Variants in MAD1L1 observed in about 807,000 individuals in gnomAD.
MAD1L1 encodes mitotic arrest deficient 1 like 1.
In MAD1L1, 95 loss-of-function variants were observed where a neutral mutation model predicts 96.9. The observed-to-expected ratio is 0.98, with a 90% CI of 0.83 to 1.16. MAD1L1 has a LOEUF of 1.16. Among genes scored for constraint, MAD1L1 ranks in the 50% most tolerant of loss-of-function variants. The pLI is 0.00. For missense variants in MAD1L1, 1,007 were observed against 954.4 expected (o/e 1.06, Z -0.73); for synonymous variants, 473 against 396.6 (o/e 1.19, Z -2.29).
Position 1,815,919 on chromosome 7 carries a change from C to A in MAD1L1, c.*151G>T, listed in dbSNP as rs1006417308. On this transcript the variant is annotated 3_prime_UTR_variant, in exon 19 of 19. Transcript: ENST00000265854. ...GGGTGCTGGCCGCCCCAGCAGGAAG[C>A]CCGACGTAGGTCCCAGCGTGTCTGT... 48 of 931,960 alleles carry A rather than the reference C, an allele frequency of 5.2e-5. No individual in the cohort carries two copies. Among genetic ancestry groups the A allele is most frequent in the Non-Finnish European group, 6.9e-5 (44 of 641,802 alleles). The allele number at this position is 931,960 out of a possible 1,614,324, so 57.7% of individuals were successfully genotyped here. A position where few individuals can be genotyped will look rare whatever the true frequency, so the allele number is the denominator to read the frequency against.
At chr7:2,030,841 T>C (rs1413606451) in intron 12 of MAD1L1, among the ~76,000 whole-genome samples, 2 of 152,224 alleles carry the variant, frequency 1.3e-5, no homozygotes, top group Admixed American at 6.5e-5. Flanking sequence ...AACCTGCGCC[T>C]GGTGCTCTCG....
Position 2,152,989 on chromosome 7 carries a change from G to A in MAD1L1, c.987-3751C>T, listed in dbSNP as rs559400290. Among the ~76,000 whole-genome samples the A allele has an allele frequency of 4.0e-4, 61 of 152,204 alleles. No individual in the cohort carries two copies. In the South Asian group the frequency reaches 8.3e-3, roughly 21 times the overall value. The stretch of plus-strand genomic sequence containing the variant: ...GTGAAATTTTGTATACCCTTTGTTC[G>A]GCAGTGTCAATCAAAAGAAAATGTG... On this transcript the variant is annotated intron_variant, in intron 10 of 18. Transcript: ENST00000265854.
At chr7:2,156,833 A>AAAAG (rs1015873380) in intron 10 of MAD1L1, among the ~76,000 whole-genome samples, 1 of 151,772 alleles carries the variant, frequency 6.6e-6, no homozygotes, top group African/African-American at 2.4e-5. Flanking sequence ...AAAAAAAAAA[A>AAAAG]AAAGAAAGAA....
At chr7:2,195,662 C>T (rs3779016) in intron 10 of MAD1L1, among the ~76,000 whole-genome samples, 89 of 152,320 alleles carry the variant, frequency 5.8e-4, no homozygotes, top group African/African-American at 2.0e-3. Context: ...CAGCCACCTC[C>T]GCGAACAAGA....
At position 1,950,335 on chromosome 7, in the gene MAD1L1, C is replaced by G. The variant is rs558119783; in HGVS notation, c.1596+7294G>C. ...CCGTCTGTCCGTCCGTCCAGTGGCT[C>G]TGCCGCCCTCCTGCACGTCCCGCGC... On this transcript the variant is annotated intron_variant, in intron 16 of 18. Coordinates refer to ENST00000265854, the MANE Select transcript of MAD1L1 (RefSeq NM_001013836.2). Among the ~76,000 whole-genome samples the G allele has an allele frequency of 1.4e-4, 21 of 151,774 alleles. 1 individual carries two copies. The East Asian group carries it at 3.3e-3, about 24-fold the overall frequency.
At chr7:2,175,569 G>A (rs1412758454) in intron 10 of MAD1L1, among the ~76,000 whole-genome samples, 2 of 150,258 alleles carry the variant, frequency 1.3e-5, no homozygotes, top group Non-Finnish European at 2.9e-5. Context: ...AAAGGTAGGT[G>A]TATGTATTCA....
At chr7:2,015,392 G>A (rs1782491041) in intron 12 of MAD1L1, among the ~76,000 whole-genome samples, 1 of 152,228 alleles carries the variant, frequency 6.6e-6, no homozygotes, top group South Asian at 2.1e-4. Context: ...ACTGACCACA[G>A]TGTCAGGGCT....
rs762502821 is a variant in MAD1L1 at position 1,980,541 on chromosome 7, G to C, written c.1417C>G (p.Leu473Val). The C allele has an allele frequency of 8.7e-6, 14 of 1,609,044 alleles. No individual in the cohort carries two copies. In the South Asian group the frequency reaches 1.5e-4, roughly 18 times the overall value. ...LGGQKQRADM[L>V]EMELKMLKSQ... The stretch of plus-strand genomic sequence containing the variant: ...TTCAGCATCTTCAGCTCCATCTCCA[G>C]CTAGGAGAAAGCAAAGGATAGAGGG... Residue 473 changes from leucine (L) to valine (V), a missense_variant and splice_region_variant, in exon 15 of 19, where the codon CTG (leucine) becomes GTG (valine). By Grantham distance (32) the Leu-to-Val change is conservative. Transcript: ENST00000265854.
chr7:1,922,013 G>A (rs753433597), intron 17 of MAD1L1, among the ~76,000 whole-genome samples: 3 of 152,204 alleles, frequency 2.0e-5, no homozygotes, highest in Admixed American at 2.0e-4. Flanking sequence ...ACCTGAAGAC[G>A]AGGGGTTCAG....
intron 17 of MAD1L1, among the ~76,000 whole-genome samples, chr7:1,899,011 T>C (rs1787075744): frequency 6.6e-6 from 1 of 152,178 alleles, no homozygotes; most frequent in Non-Finnish European, 1.5e-5. Context: ...TTCCGGATCC[T>C]ACTGCCCCGG....
At chr7:2,080,414 G>A (rs1161059259) in intron 11 of MAD1L1, among the ~76,000 whole-genome samples, 1 of 152,212 alleles carries the variant, frequency 6.6e-6, no homozygotes, top group East Asian at 1.9e-4. Context: ...CCGGGCGACT[G>A]CATGTCCCCC....
chr7:2,024,324 C>T (rs775471446), intron 12 of MAD1L1, among the ~76,000 whole-genome samples: 5 of 152,190 alleles, frequency 3.3e-5, no homozygotes, highest in African/African-American at 4.8e-5. Context: ...TCACATGAAT[C>T]GGTCTTTCTA....
intron 12 of MAD1L1, among the ~76,000 whole-genome samples, chr7:2,060,663 G>A (rs1263814692): frequency 6.6e-6 from 1 of 152,226 alleles, no homozygotes; most frequent in Non-Finnish European, 1.5e-5. Flanking sequence ...GCCCTGAAGT[G>A]GACGGCCACG....
At chr7:2,139,282 C>CCT (rs1215358420) in intron 11 of MAD1L1, among the ~76,000 whole-genome samples, 1 of 152,192 alleles carries the variant, frequency 6.6e-6, no homozygotes, top group Non-Finnish European at 1.5e-5. Context: ...ATGGGAGCAC[C>CCT]CTCCCCGCAC....
chr7:1,892,489 G>A (rs866364605), intron 18 of MAD1L1, among the ~76,000 whole-genome samples: 1 of 152,204 alleles, frequency 6.6e-6, no homozygotes, highest in South Asian at 2.1e-4. Context: ...CGTGCTTACT[G>A]GTTGAGTAAG....
chr7:2,046,238 C>T (rs1783914270), intron 12 of MAD1L1, among the ~76,000 whole-genome samples: 1 of 152,180 alleles, frequency 6.6e-6, no homozygotes, highest in African/African-American at 2.4e-5. Context: ...CTCACAGGCA[C>T]CCTATGTCCC....
Position 2,110,809 on chromosome 7 carries a change from C to A in MAD1L1, c.1073+38343G>T, listed in dbSNP as rs577122999. ...GAGCAGGGAATTCCATGGTGCACGC[C>A]CATAAGAAGCGCTTTCTGCATCTCA... On this transcript the variant is annotated intron_variant, in intron 11 of 18. Transcript: ENST00000265854. Among the ~76,000 whole-genome samples the A allele has an allele frequency of 3.6e-3, 555 of 152,288 alleles. 3 individuals are homozygous for A. Among genetic ancestry groups the A allele is most frequent in the Non-Finnish European group, 6.5e-3 (443 of 68,030 alleles).
chr7:2,047,784 C>T lies in MAD1L1; in HGVS notation c.1218+21410G>A, dbSNP rs149969476. Among the ~76,000 whole-genome samples the T allele has an allele frequency of 6.4e-4, 97 of 152,216 alleles. 1 individual carries two copies. The highest frequency in any genetic ancestry group is 2.3e-3 in the African/African-American group (95 of 41,514). ...GCATACAGAGAGCTGCCTCTGCAGA[C>T]ACATGCACACTCACACACGTGCACT... On this transcript the variant is annotated intron_variant, in intron 12 of 18. Coordinates refer to ENST00000265854, the MANE Select transcript of MAD1L1 (RefSeq NM_001013836.2).
At chr7:2,213,856 A>G (rs535216118) in intron 9 of MAD1L1, among the ~76,000 whole-genome samples, 1 of 152,284 alleles carries the variant, frequency 6.6e-6, no homozygotes, top group East Asian at 1.9e-4. Context: ...GCCGCATCCC[A>G]AAGAGGTGAG....
Sources: allele counts gnomAD v4.1 joint callset (sites outside exome capture counted in the v4.1 genomes callset), GRCh38; gene constraint gnomAD v4.1.1; transcripts MANE v1.5; gene names NCBI Gene and HGNC (gene_info 2026-07-23, HGNC 2026-07-21).